ZC3H12B: variants seen among roughly 807,000 people sequenced by gnomAD.
ZC3H12B encodes zinc finger CCCH-type containing 12B.
Under a neutral mutation model 43.9 loss-of-function variants are expected in ZC3H12B, and 7 were observed. The ratio of observed to expected loss-of-function variants is 0.16; its 90% CI spans 0.09 to 0.30. The LOEUF (loss-of-function observed/expected upper bound fraction) is 0.30, where lower values mean the gene tolerates loss of function less well. Ranked by LOEUF, ZC3H12B falls within the 10% of genes least tolerant of loss-of-function variation. The pLI, the probability that ZC3H12B is intolerant of heterozygous loss-of-function variation, is 1.00. For synonymous variants in ZC3H12B, 222 were observed against 241.7 expected, an observed-to-expected ratio of 0.92 and a Z score of 0.76; for missense variants, 475 against 670.2, an observed-to-expected ratio of 0.71 and a Z score of 3.22.
At chrX:65,166,360 C>A in the ZC3H12B span, among the ~76,000 whole-genome samples, 1 of 111,614 alleles carries the variant, frequency 9.0e-6, no homozygotes, top group Admixed American at 9.6e-5. Context: ...CATGTCCCTA[C>A]AAAGGACATG....
chrX:65,503,418 T>A, exon 5 of ZC3H12B: 1 of 360,786 alleles, frequency 2.8e-6, no homozygotes, highest in Non-Finnish European at 4.7e-6. Flanking sequence ...ATTAAGTGGC[T>A]AGCCAGGGTC....
chrX:65,252,754 G>A, the ZC3H12B span, among the ~76,000 whole-genome samples: 2 of 111,896 alleles, frequency 1.8e-5, no homozygotes, highest in African/African-American at 6.5e-5. Flanking sequence ...TACGTTGTCA[G>A]TGATTTAAAG....
the ZC3H12B span, among the ~76,000 whole-genome samples, chrX:65,238,482 C>A: frequency 1.9e-5 from 2 of 106,274 alleles, no homozygotes; most frequent in African/African-American, 3.9e-5. Flanking sequence ...TGATTCTTCT[C>A]TCTTTTCTTC....
chrX:65,455,389 C>A (rs1469890341), intron 3 of ZC3H12B, among the ~76,000 whole-genome samples: 1 of 111,119 alleles, frequency 9.0e-6, no homozygotes, highest in Non-Finnish European at 1.9e-5. Flanking sequence ...GATTGAAGAT[C>A]AAATGAATGA....
chrX:65,183,177 G>A, the ZC3H12B span, among the ~76,000 whole-genome samples: 1 of 111,502 alleles, frequency 9.0e-6, no homozygotes, highest in Non-Finnish European at 1.9e-5. Flanking sequence ...CAATCTAGAT[G>A]CCCATCAATG....
the ZC3H12B span, among the ~76,000 whole-genome samples, chrX:65,269,524 G>T: frequency 9.1e-6 from 1 of 110,387 alleles, no homozygotes; most frequent in African/African-American, 3.3e-5. Flanking sequence ...TTTTTTGACA[G>T]GGTTTTACTC....
the ZC3H12B span, among the ~76,000 whole-genome samples, chrX:65,152,098 A>T: frequency 1.8e-5 from 2 of 111,744 alleles, no homozygotes; most frequent in African/African-American, 6.5e-5. Context: ...AATAAGAGCT[A>T]TCTATGACAA....
At chrX:65,226,072 G>C in the ZC3H12B span, among the ~76,000 whole-genome samples, 1 of 111,320 alleles carries the variant, frequency 9.0e-6, no homozygotes, top group Non-Finnish European at 1.9e-5. Context: ...ACACATAATT[G>C]TCAGATTCAC....
At chrX:65,382,334 C>T (rs55645965) in intron 2 of ZC3H12B, among the ~76,000 whole-genome samples, 1 of 108,912 alleles carries the variant, frequency 9.2e-6, no homozygotes, top group Non-Finnish European at 1.9e-5. Flanking sequence ...GCATATAAAC[C>T]GAACCAAAGA....
At chrX:65,455,885 T>C (rs2067601386) in intron 3 of ZC3H12B, among the ~76,000 whole-genome samples, 1 of 111,611 alleles carries the variant, frequency 9.0e-6, no homozygotes, top group African/African-American at 3.3e-5. Context: ...CTAAGCTTCA[T>C]AAGTGAAGGA....
the ZC3H12B span, among the ~76,000 whole-genome samples, chrX:65,207,693 G>T: frequency 1.1e-5 from 1 of 94,667 alleles, no homozygotes; most frequent in African/African-American, 4.0e-5. Flanking sequence ...CTTTAAAGTA[G>T]TTTTTTCCAA....
the ZC3H12B span, among the ~76,000 whole-genome samples, chrX:65,077,385 G>A: frequency 8.9e-6 from 1 of 112,147 alleles, no homozygotes; most frequent in Non-Finnish European, 1.9e-5. Context: ...TCCACTGCAG[G>A]TAGACCAGCC....
At chrX:65,154,258 A>C in the ZC3H12B span, among the ~76,000 whole-genome samples, 2 of 111,684 alleles carry the variant, frequency 1.8e-5, no homozygotes, top group African/African-American at 6.5e-5. Context: ...AAATAAATTA[A>C]AAAAAATTTT....
At chrX:65,247,112 AT>A in the ZC3H12B span, among the ~76,000 whole-genome samples, 12,603 of 112,120 alleles carry the variant, frequency 0.11, 1,706 homozygotes, top group African/African-American at 0.38. Context: ...ACTTCAATAC[AT>A]GCGACCATCA....
the ZC3H12B span, among the ~76,000 whole-genome samples, chrX:65,175,915 G>T: frequency 1.8e-5 from 2 of 112,231 alleles, no homozygotes; most frequent in African/African-American, 6.5e-5. Flanking sequence ...ATTCCCACAG[G>T]TGCCTACACC....
chrX:65,084,896 T>C, the ZC3H12B span, among the ~76,000 whole-genome samples: 3 of 112,643 alleles, frequency 2.7e-5, no homozygotes, highest in African/African-American at 9.6e-5. Context: ...GAAAACATGG[T>C]ACTTAGATAC....
At chrX:65,311,483 G>A in the ZC3H12B span, among the ~76,000 whole-genome samples, 8 of 111,916 alleles carry the variant, frequency 7.1e-5, no homozygotes, top group African/African-American at 2.6e-4. Context: ...TCATTAAAAT[G>A]TCAGGAAACA....
chrX:65,356,224 T>C, the ZC3H12B span, among the ~76,000 whole-genome samples: 3 of 111,393 alleles, frequency 2.7e-5, no homozygotes, highest in East Asian at 8.4e-4. Context: ...TAATTTGCAC[T>C]TTTGAAGGTT....
At chrX:65,166,870 C>T in the ZC3H12B span, among the ~76,000 whole-genome samples, 1 of 111,055 alleles carries the variant, frequency 9.0e-6, no homozygotes, top group African/African-American at 3.3e-5. Flanking sequence ...ATGTCTTTCG[C>T]CCACTTTTTG....
Sources: gnomAD v4.1 joint callset for allele counts (sites outside exome capture counted in the v4.1 genomes callset) on GRCh38, gnomAD v4.1.1 for gene constraint, MANE v1.5 for transcripts, NCBI Gene and HGNC (gene_info 2026-07-23, HGNC 2026-07-21) for gene names.